The following CLOCK variants were observed in gnomAD, a reference collection of about 807,000 sequenced individuals.
The protein encoded by CLOCK is circadian locomoter output cycles protein kaput.
CLOCK carries 43 observed loss-of-function variants against 118.4 expected under a neutral mutation model. The observed-to-expected ratio is 0.36, with a 90% confidence interval of 0.28 to 0.47. The LOEUF is 0.47. CLOCK is among the 20% of genes least tolerant of loss of function. The probability of loss-of-function intolerance (pLI) is 1.00; values close to 1 mark genes in which losing one functional copy is unlikely to be tolerated. For missense variants in CLOCK, 846 were observed against 999.9 expected (o/e 0.85, Z 2.08); for synonymous variants, 326 against 339.2 (o/e 0.96, Z 0.43).
intron 1 of CLOCK, among the ~76,000 whole-genome samples, chr4:55,514,837 T>C (rs1443953576): frequency 6.6e-6 from 1 of 152,184 alleles, no homozygotes; most frequent in Non-Finnish European, 1.5e-5. Context: ...TGGTCTACAG[T>C]TTTCTTTTCT....
chr4:55,509,645 A>G (rs1450586753), intron 2 of CLOCK, among the ~76,000 whole-genome samples: 1 of 152,242 alleles, frequency 6.6e-6, no homozygotes, highest in African/African-American at 2.4e-5. Flanking sequence ...AGGAAAAGGT[A>G]AGTTATGACT....
chr4:55,490,095 A>T (rs983164910), intron 2 of CLOCK, among the ~76,000 whole-genome samples: 1 of 63,420 alleles, frequency 1.6e-5, no homozygotes, highest in South Asian at 6.9e-4. Context: ...GAATGGATTT[A>T]AAAAAAAAAA....
At chr4:55,437,504 T>A (rs1367315180) in intron 22 of CLOCK, among the ~76,000 whole-genome samples, 3 of 152,226 alleles carry the variant, frequency 2.0e-5, no homozygotes, top group African/African-American at 7.2e-5. Flanking sequence ...AGAGCCTGTC[T>A]GATTCACTAA....
Position 55,455,951 on chromosome 4 carries a change from A to G in CLOCK, c.928T>C (p.Tyr310His), listed in dbSNP as rs768963115. ...LPFEVLGTSG[Y>H]DYYHVDDLEN... ...AGGTCATCCACATGATAGTAATCAT[A>G]GCCTGATGTTCCCAGAACTTCAAAT... The change falls in exon 13 of 23, where the codon TAT (tyrosine) becomes CAT (histidine). Residue 310 changes from tyrosine to histidine, a missense_variant. Around this residue, in one of 4 missense-constraint regions of CLOCK, gnomAD observed 66 missense variants for 99.4 expected, o/e 0.66. Coordinates refer to ENST00000513440, the MANE Select transcript of CLOCK (RefSeq NM_004898.4). The G allele has an allele frequency of 1.9e-6, 3 of 1,613,760 alleles. No homozygotes were observed. The South Asian group carries it at 3.3e-5, about 18-fold the overall frequency.
intron 1 of CLOCK, among the ~76,000 whole-genome samples, chr4:55,523,216 C>G (rs1055762838): frequency 1.8e-4 from 27 of 152,212 alleles, no homozygotes; most frequent in Admixed American, 5.2e-4. Context: ...AGGAGAATGG[C>G]ATGAATCTGG....
At chr4:55,466,319 G>C (rs981629156) in intron 8 of CLOCK, among the ~76,000 whole-genome samples, 7 of 152,150 alleles carry the variant, frequency 4.6e-5, no homozygotes, top group African/African-American at 1.7e-4. Context: ...CGCCATGACT[G>C]TAAGTTTCCT....
intron 13 of CLOCK, 39 bp downstream of exon 13, chr4:55,455,858 A>G (rs762768209): frequency 3.8e-5 from 51 of 1,344,028 alleles, no homozygotes; most frequent in Middle Eastern, 3.6e-4. Flanking sequence ...TCTGCTTATA[A>G]AACAGTTATT....
At chr4:55,485,075 T>C (rs1727209817) in intron 3 of CLOCK, among the ~76,000 whole-genome samples, 1 of 152,136 alleles carries the variant, frequency 6.6e-6, no homozygotes, top group Admixed American at 6.5e-5. Flanking sequence ...GTGATTCTCC[T>C]GCCTCAGCCT....
chr4:55,441,442 G>A (rs781091448), intron 21 of CLOCK, among the ~76,000 whole-genome samples: 9 of 152,088 alleles, frequency 5.9e-5, no homozygotes, highest in Non-Finnish European at 1.0e-4. Context: ...TATGGCTATC[G>A]CAGTACAGTT....
intron 2 of CLOCK, among the ~76,000 whole-genome samples, chr4:55,504,017 G>T (rs1326075234): frequency 3.1e-5 from 4 of 131,046 alleles, no homozygotes; most frequent in African/African-American, 5.3e-5. Flanking sequence ...GGGCACAGTG[G>T]CTCACGCCTG....
At chr4:55,514,988 G>C (rs2110040487) in intron 1 of CLOCK, among the ~76,000 whole-genome samples, 1 of 152,248 alleles carries the variant, frequency 6.6e-6, no homozygotes, top group East Asian at 1.9e-4. Flanking sequence ...GGTAGAATTA[G>C]AACTCACCAA....
intron 2 of CLOCK, among the ~76,000 whole-genome samples, chr4:55,506,693 G>A (rs551034619): frequency 6.6e-6 from 1 of 152,036 alleles, no homozygotes; most frequent in East Asian, 1.9e-4. Context: ...CCAAGTAGCT[G>A]GGATTACAGG....
At chr4:55,500,226 C>T (rs1577805187) in intron 2 of CLOCK, among the ~76,000 whole-genome samples, 3 of 152,146 alleles carry the variant, frequency 2.0e-5, no homozygotes, top group Non-Finnish European at 4.4e-5. Flanking sequence ...ACTACACAAG[C>T]TATTCAGGTT....
intron 3 of CLOCK, among the ~76,000 whole-genome samples, chr4:55,483,881 CCTAAAATTTGTCTCT>C (rs1727108085): frequency 6.6e-6 from 1 of 152,082 alleles, no homozygotes; most frequent in African/African-American, 2.4e-5. Flanking sequence ...GGATCACAAG[CCTAAAATTTGTCTCT>C]CTATATTCTA....
At chr4:55,544,858 A>C (rs1731503363) in intron 1 of CLOCK, among the ~76,000 whole-genome samples, 1 of 152,162 alleles carries the variant, frequency 6.6e-6, no homozygotes. Context: ...GAGCAAACAT[A>C]AACTTGTATT....
At position 55,539,251 on chromosome 4, in the gene CLOCK, AC is replaced by A. The variant is rs1232693096; in HGVS notation, c.-290+7530del. On this transcript the variant is annotated intron_variant, in intron 1 of 22. Transcript: ENST00000513440. Reference sequence around the variant, plus strand: ...CTGTCTCAAAAAAACAACAACAACAACAACAAAAAAAACACCAAAAACCACT... The same window carrying A: ...CTGTCTCAAAAAAACAACAACAACAAAACAAAAAAAACACCAAAAACCACT... Among the ~76,000 whole-genome samples, 5 of 150,450 alleles carry A rather than the reference AC, an allele frequency of 3.3e-5. No homozygotes were observed. The South Asian group carries it at 6.4e-4, about 19-fold the overall frequency.
intron 2 of CLOCK, among the ~76,000 whole-genome samples, chr4:55,504,168 C>A (rs1577813210): frequency 1.3e-5 from 2 of 150,210 alleles, no homozygotes; most frequent in South Asian, 2.1e-4. Context: ...CGCCTATAGT[C>A]CCAACTATTC....
chr4:55,470,712 C>G lies in CLOCK; in HGVS notation c.438+5G>C. The G allele has an allele frequency of 6.4e-7, 1 of 1,563,796 alleles. No individual in the cohort carries two copies. The highest frequency in any genetic ancestry group is 1.1e-5 in the South Asian group (1 of 89,698). On this transcript the variant is annotated splice_donor_5th_base_variant and intron_variant, in intron 8 of 22. Transcript: ENST00000513440. ...CGAAGTAGATTGTAGGATCTTTATACTTACTGGTAAATGTTCAAGTAATGA... is the reference window on the plus strand; with the variant it reads ...CGAAGTAGATTGTAGGATCTTTATAGTTACTGGTAAATGTTCAAGTAATGA...
At position 55,443,670 on chromosome 4, in the gene CLOCK, G is replaced by A. The variant is rs1178990796; in HGVS notation, c.1902+17C>T. 1.2e-6 allele frequency: 2 copies of A among 1,601,926 alleles called. No homozygotes were observed. Among genetic ancestry groups the A allele is most frequent in the Non-Finnish European group, 1.7e-6 (2 of 1,169,044 alleles). Reference sequence around the variant, plus strand: ...ACCACTGATCACTCCATAGCCCGCTGTGCTCAGTAACATTACCTGAGTTGA... The same window carrying A: ...ACCACTGATCACTCCATAGCCCGCTATGCTCAGTAACATTACCTGAGTTGA... On this transcript the variant is annotated intron_variant, in intron 20 of 22. Coordinates refer to ENST00000513440, the MANE Select transcript of CLOCK (RefSeq NM_004898.4).
Sources: allele counts gnomAD v4.1 joint callset (sites outside exome capture counted in the v4.1 genomes callset), GRCh38; gene constraint gnomAD v4.1.1; regional missense constraint gnomAD v4.1.1; transcripts MANE v1.5; gene names NCBI Gene and HGNC (gene_info 2026-07-23, HGNC 2026-07-21).